Variants in TSNARE1 observed in about 807,000 individuals in gnomAD.
TSNARE1 encodes t-SNARE domain-containing protein 1.
A neutral mutation model predicts 62.0 loss-of-function variants in TSNARE1; 49 were observed. The observed-to-expected ratio is 0.79, with a 90% CI of 0.63 to 1.00. The LOEUF is 1.00. Among genes scored for constraint, TSNARE1 ranks in the 50% least tolerant of loss-of-function variants. TSNARE1 has a pLI of 0.00. For synonymous variants in TSNARE1, 328 were observed against 294.4 expected (o/e 1.11, Z -1.17); for missense variants, 755 against 700.1 (o/e 1.08, Z -0.88).
At chr8:142,278,133 G>GC in intron 11 of TSNARE1, 5 of 985,156 alleles carry the variant, frequency 5.1e-6, no homozygotes, top group Non-Finnish European at 6.0e-6. Context: ...CATCCCCCAA[G>GC]CCCCACCACA....
intron 12 of TSNARE1, among the ~76,000 whole-genome samples, chr8:142,230,157 T>C (rs1817033301): frequency 6.6e-6 from 1 of 152,188 alleles, no homozygotes; most frequent in Non-Finnish European, 1.5e-5. Flanking sequence ...ACTGATTAGA[T>C]AGGGATTTGA....
chr8:142,354,578 C>A, intron 2 of TSNARE1, 59 bp downstream of exon 2: 1 of 1,234,484 alleles, frequency 8.1e-7, no homozygotes, highest in South Asian at 1.3e-5. Context: ...CAGTGAGGAT[C>A]CTACCCTACC....
At chr8:142,379,409 C>A (rs1009713550) in intron 1 of TSNARE1, among the ~76,000 whole-genome samples, 1 of 152,232 alleles carries the variant, frequency 6.6e-6, no homozygotes, top group African/African-American at 2.4e-5. Context: ...GAGCCGCACG[C>A]TGGCCGAGGG....
chr8:142,236,044 C>A (rs1817399692), intron 12 of TSNARE1, among the ~76,000 whole-genome samples: 1 of 152,188 alleles, frequency 6.6e-6, no homozygotes, highest in Non-Finnish European at 1.5e-5. Flanking sequence ...AGCTTCAGGG[C>A]AAGGACTCCG....
intron 13 of TSNARE1, among the ~76,000 whole-genome samples, chr8:142,220,495 G>GC (rs568940446): frequency 2.2e-4 from 34 of 152,202 alleles, no homozygotes; most frequent in African/African-American, 8.2e-4. Flanking sequence ...ACCTCGGGGA[G>GC]CCTCTCACAC....
At chr8:142,240,375 A>G (rs1406589423) in intron 12 of TSNARE1, among the ~76,000 whole-genome samples, 1 of 152,244 alleles carries the variant, frequency 6.6e-6, no homozygotes, top group Non-Finnish European at 1.5e-5. Flanking sequence ...CTACTGGGAG[A>G]AATTTCCAAA....
intron 13 of TSNARE1, among the ~76,000 whole-genome samples, chr8:142,227,084 G>A (rs1206960796): frequency 1.4e-5 from 2 of 144,432 alleles, no homozygotes; most frequent in African/African-American, 5.2e-5. Flanking sequence ...AGCAGTGACA[G>A]CCAGGAACCC....
intron 13 of TSNARE1, among the ~76,000 whole-genome samples, chr8:142,224,574 C>G (rs998616541): frequency 1.3e-5 from 2 of 152,224 alleles, no homozygotes; most frequent in African/African-American, 4.8e-5. Context: ...TTGCCAGGGC[C>G]TACTTGGTGC....
chr8:142,287,850 G>C (rs530453054), intron 10 of TSNARE1, among the ~76,000 whole-genome samples: 1 of 137,396 alleles, frequency 7.3e-6, no homozygotes, highest in South Asian at 2.5e-4. Flanking sequence ...ACAGTGGGCC[G>C]CCCTCCAGGT....
chr8:142,212,795 C>T (rs1451406120), intron 13 of TSNARE1, among the ~76,000 whole-genome samples: 1 of 43,424 alleles, frequency 2.3e-5, no homozygotes, highest in African/African-American at 1.2e-4. Flanking sequence ...CCTCCTCCTT[C>T]TCTCCAATCC....
intron 1 of TSNARE1, among the ~76,000 whole-genome samples, chr8:142,390,068 T>C (rs565958990): frequency 1.3e-5 from 2 of 152,322 alleles, no homozygotes; most frequent in African/African-American, 4.8e-5. Flanking sequence ...TATCTAAACA[T>C]AGAAAAGGTA....
At chr8:142,337,430 C>T (rs1057155518) in intron 4 of TSNARE1, among the ~76,000 whole-genome samples, 2 of 152,228 alleles carry the variant, frequency 1.3e-5, no homozygotes, top group Admixed American at 1.3e-4. Flanking sequence ...CTGGAGAACG[C>T]GAAAGCATCC....
rs751426362 is a variant in TSNARE1, at chr8:142,300,614, C to T, written c.1162G>A (p.Asp388Asn). Residue 388 changes from aspartate to asparagine, a missense_variant, in exon 10 of 14, where the codon GAT becomes AAT. By Grantham distance (23) the Asp-to-Asn change is conservative. Coordinates refer to ENST00000524325, the MANE Select transcript of TSNARE1 (RefSeq NM_145003.5). ...CTCCCGTTAAAGACCTTCTCATCAT[C>T]AGCCAGCTCGGCAAACGGGGCCTGG... is the stretch of plus-strand genomic sequence containing the variant. The part of the protein sequence containing the change: ...SPQAPFAELA[D>N]DEKVFNGSDN... 9.3e-6 allele frequency: 15 copies of T among 1,613,684 alleles called. No homozygotes were observed. Among genetic ancestry groups the T allele is most frequent in the Non-Finnish European group, 1.2e-5 (14 of 1,179,980 alleles).
intron 1 of TSNARE1, among the ~76,000 whole-genome samples, chr8:142,389,216 G>GGACA (rs760158246): frequency 1.7e-4 from 26 of 152,076 alleles, no homozygotes; most frequent in Non-Finnish European, 2.6e-4. Flanking sequence ...GAATAACAGT[G>GGACA]GACACATCTC....
Position 142,222,535 on chromosome 8 carries a change from C to T in TSNARE1, c.*11+6938G>A, listed in dbSNP as rs1442904848. On this transcript the variant is annotated intron_variant, in intron 13 of 13. Coordinates refer to ENST00000524325, the MANE Select transcript of TSNARE1 (RefSeq NM_145003.5). ...ACTCACTCACTCATCCACTCACTCACTCACTCATTCACTCACTCACTCACT... is the reference window on the plus strand; with the variant it reads ...ACTCACTCACTCATCCACTCACTCATTCACTCATTCACTCACTCACTCACT... Among the ~76,000 whole-genome samples, 7 of 75,486 alleles carry T rather than the reference C, an allele frequency of 9.3e-5. 1 individual carries two copies. The highest frequency in any genetic ancestry group is 1.3e-4 in the Non-Finnish European group (5 of 37,776). The allele number at this position is 75,486 out of a possible 152,430, so 49.5% of individuals were successfully genotyped here.
chr8:142,320,721 C>T (rs1014065991), intron 6 of TSNARE1, among the ~76,000 whole-genome samples: 7 of 152,262 alleles, frequency 4.6e-5, no homozygotes, highest in African/African-American at 1.7e-4. Context: ...TCTGTGGTCA[C>T]GCTGCCACCG....
chr8:142,360,772 G>A (rs1288364410), intron 1 of TSNARE1, among the ~76,000 whole-genome samples: 9 of 152,144 alleles, frequency 5.9e-5, no homozygotes, highest in Non-Finnish European at 1.3e-4. Flanking sequence ...GGGACAAAGC[G>A]CCCCGGCCCA....
intron 12 of TSNARE1, among the ~76,000 whole-genome samples, chr8:142,254,534 C>T (rs1316654749): frequency 6.6e-6 from 1 of 152,218 alleles, no homozygotes; most frequent in Non-Finnish European, 1.5e-5. Flanking sequence ...ACCCATCTTG[C>T]TTCACCTCTC....
At chr8:142,313,569 G>A (rs897658836) in intron 9 of TSNARE1, among the ~76,000 whole-genome samples, 6 of 151,896 alleles carry the variant, frequency 4.0e-5, no homozygotes, top group African/African-American at 1.5e-4. Context: ...ATGTGTCTGC[G>A]CATCTGTGTT....
Sources: allele counts gnomAD v4.1 joint callset (sites outside exome capture counted in the v4.1 genomes callset), GRCh38; gene constraint gnomAD v4.1.1; transcripts MANE v1.5; gene names NCBI Gene and HGNC (gene_info 2026-07-23, HGNC 2026-07-21).